Variants in FAM107B observed in about 807,000 individuals in gnomAD.
The protein encoded by FAM107B is protein FAM107B.
FAM107B carries 21 observed loss-of-function variants against 31.5 expected under a neutral mutation model. The ratio of observed to expected loss-of-function variants is 0.67; its 90% confidence interval spans 0.47 to 0.96. The LOEUF (loss-of-function observed/expected upper bound fraction) is 0.96. Among genes scored for constraint, FAM107B ranks in the 40% least tolerant of loss-of-function variants. The pLI is 0.00. For missense variants in FAM107B, 452 were observed against 377.1 expected, an observed-to-expected ratio of 1.20 and a Z score of -1.64; for synonymous variants, 157 against 141.5, an observed-to-expected ratio of 1.11 and a Z score of -0.78.
At chr10:14,647,685 C>CAAA (rs35141961) in intron 2 of FAM107B, among the ~76,000 whole-genome samples, 2 of 89,094 alleles carry the variant, frequency 2.2e-5, no homozygotes, top group African/African-American at 4.6e-5. Flanking sequence ...GACTCCATCT[C>CAAA]AAAAAAAAAA....
chr10:14,768,001 A>C (rs539982081), intron 1 of FAM107B, among the ~76,000 whole-genome samples: 1 of 152,218 alleles, frequency 6.6e-6, no homozygotes, highest in African/African-American at 2.4e-5. Context: ...ATTTCTATAC[A>C]GTAACAATGA....
At chr10:14,569,173 G>C (rs1275351904) in intron 2 of FAM107B, among the ~76,000 whole-genome samples, 1 of 152,170 alleles carries the variant, frequency 6.6e-6, no homozygotes, top group Non-Finnish European at 1.5e-5. Flanking sequence ...CCACCCTCGA[G>C]TCTCCTTAAA....
intron 1 of FAM107B, among the ~76,000 whole-genome samples, chr10:14,752,384 G>A (rs1259636528): frequency 1.3e-5 from 2 of 152,218 alleles, no homozygotes; most frequent in African/African-American, 4.8e-5. Flanking sequence ...CCTGTACCCT[G>A]AGAGGTTTCC....
At chr10:14,700,921 C>T (rs1855385261) in intron 1 of FAM107B, among the ~76,000 whole-genome samples, 1 of 151,346 alleles carries the variant, frequency 6.6e-6, no homozygotes, top group South Asian at 2.1e-4. Context: ...CACATCACAC[C>T]TCACCCCACA....
At chr10:14,738,618 G>A (rs1021580461) in intron 1 of FAM107B, among the ~76,000 whole-genome samples, 3 of 152,190 alleles carry the variant, frequency 2.0e-5, no homozygotes, top group Non-Finnish European at 4.4e-5. Flanking sequence ...GAGGTTAGAG[G>A]AGTGAATGCA....
rs1833369792 is a variant in FAM107B at position 14,774,275 on chromosome 10, G to A, written c.389C>T (p.Pro130Leu). Residue 130 changes from proline (P) to leucine (L), a missense_variant, in exon 1 of 5, where the codon CCA becomes CTA. Physicochemically the swap from Pro to Leu is moderately conservative, Grantham distance 98. Coordinates refer to ENST00000181796, the MANE Select transcript of FAM107B (RefSeq NM_031453.4). ...CACCTTGGGCGTGTCAATAATTGAT[G>A]GTCTGGGGATGGAAGCGTGAAACAC... ...AVVFHASIPRPSIIDTPKEEE... is the reference protein window; with the variant it reads ...AVVFHASIPRLSIIDTPKEEE... The A allele has an allele frequency of 6.2e-7, 1 of 1,611,972 alleles. No individual in the cohort carries two copies. The highest frequency in any genetic ancestry group is 1.1e-5 in the South Asian group (1 of 90,964).
At chr10:14,591,099 G>C (rs929050477) in intron 2 of FAM107B, among the ~76,000 whole-genome samples, 42 of 151,026 alleles carry the variant, frequency 2.8e-4, no homozygotes, top group African/African-American at 9.9e-4. Flanking sequence ...ACTCATCAAT[G>C]ACTGATCTTT....
At chr10:14,662,378 C>CTT (rs3035295) in intron 2 of FAM107B, among the ~76,000 whole-genome samples, 28,643 of 139,446 alleles carry the variant, frequency 0.21, 3,233 homozygotes, top group East Asian at 0.28. Context: ...TCTGACCTGT[C>CTT]TTTTTTTTTT....
At chr10:14,677,912 G>A (rs1310305287) in intron 1 of FAM107B, among the ~76,000 whole-genome samples, 2 of 152,208 alleles carry the variant, frequency 1.3e-5, no homozygotes, top group African/African-American at 4.8e-5. Context: ...ATAAAAAGAA[G>A]TCCTAATGAT....
chr10:14,758,849 G>A lies in FAM107B; in HGVS notation c.411+15404C>T, dbSNP rs905747846. ...TAGGGTCACCACTGTACTCCAGCCT[G>A]GGCAACAAAGCAAGACCCTCTCAGA... On this transcript the variant is annotated intron_variant, in intron 1 of 4. Transcript: ENST00000181796. Among the ~76,000 whole-genome samples, 4 of 143,984 alleles carry A rather than the reference G, an allele frequency of 2.8e-5. No homozygotes were observed. In the East Asian group the frequency reaches 8.2e-4, roughly 30 times the overall value. The allele number at this position is 143,984 out of a possible 152,430, so 94.5% of individuals were successfully genotyped here.
chr10:14,604,298 G>T (rs1401030062), intron 2 of FAM107B: 72 of 977,536 alleles, frequency 7.4e-5, no homozygotes, highest in Non-Finnish European at 8.5e-5. Context: ...CGCCCGCGGC[G>T]GCGCCCAGCG....
chr10:14,710,451 C>T lies in FAM107B; in HGVS notation c.412-42760G>A, dbSNP rs1237688795. Among the ~76,000 whole-genome samples the T allele has an allele frequency of 2.6e-5, 4 of 151,556 alleles. No individual in the cohort carries two copies. The East Asian group carries it at 5.9e-4, about 22-fold the overall frequency. On this transcript the variant is annotated intron_variant, in intron 1 of 4. Transcript: ENST00000181796. Reference sequence around the variant, plus strand: ...AAAAATACACACACACACACACACACACACACACACACACACACACACACA... The same window carrying T: ...AAAAATACACACACACACACACACATACACACACACACACACACACACACA...
At chr10:14,562,395 C>T (rs1041691512) in intron 2 of FAM107B, among the ~76,000 whole-genome samples, 18 of 152,194 alleles carry the variant, frequency 1.2e-4, no homozygotes, top group African/African-American at 3.1e-4. Context: ...ATACATTCAG[C>T]TGGAGAAGTC....
At position 14,583,086 on chromosome 10, in the gene FAM107B, CAA is replaced by C. The variant is rs60205603; in HGVS notation, c.470-52573_470-52572del. ...TGGGCAAAACAGTGAGACTCTGTCT[CAA>C]AAAAAAAAAAAAAAAAGAAAAGAAA... is the stretch of plus-strand genomic sequence containing the variant. On this transcript the variant is annotated intron_variant, in intron 2 of 4. Coordinates refer to ENST00000181796, the MANE Select transcript of FAM107B (RefSeq NM_031453.4). Among the ~76,000 whole-genome samples the C allele has an allele frequency of 6.6e-3, 374 of 56,330 alleles. 6 individuals are homozygous for C. Among genetic ancestry groups the C allele is most frequent in the African/African-American group, 0.021 (328 of 15,882 alleles). 37.0% of individuals were successfully genotyped at this position (56,330 alleles called of 152,430 possible).
intron 2 of FAM107B, among the ~76,000 whole-genome samples, chr10:14,663,789 C>T (rs185246425): frequency 1.5e-3 from 221 of 149,512 alleles, no homozygotes; most frequent in Non-Finnish European, 2.0e-3. Context: ...ACACTCCTAA[C>T]TCGTCTGTCA....
intron 2 of FAM107B, among the ~76,000 whole-genome samples, chr10:14,625,934 T>C (rs1030720579): frequency 6.9e-6 from 1 of 145,502 alleles, no homozygotes; most frequent in South Asian, 2.2e-4. Context: ...GAAGTCGTAA[T>C]GGAATCTGAT....
chr10:14,629,389 A>AATATATT (rs1307177826), intron 2 of FAM107B, among the ~76,000 whole-genome samples: 2 of 67,462 alleles, frequency 3.0e-5, no homozygotes, highest in Non-Finnish European at 5.2e-5. Context: ...TATAATATAT[A>AATATATT]TAATATATAT....
chr10:14,731,292 T>A (rs2131560349), intron 1 of FAM107B, among the ~76,000 whole-genome samples: 2 of 152,304 alleles, frequency 1.3e-5, no homozygotes, highest in South Asian at 4.1e-4. Context: ...CCAGGTGTGG[T>A]GGCTCACGCC....
chr10:14,738,659 C>G (rs1039248847), intron 1 of FAM107B, among the ~76,000 whole-genome samples: 6 of 152,286 alleles, frequency 3.9e-5, no homozygotes, highest in African/African-American at 1.4e-4. Context: ...GCGGGACTAC[C>G]TGTAGGCCTC....
Sources: gnomAD v4.1 joint callset for allele counts (sites outside exome capture counted in the v4.1 genomes callset) on GRCh38, gnomAD v4.1.1 for gene constraint, MANE v1.5 for transcripts, NCBI Gene and HGNC (gene_info 2026-07-23, HGNC 2026-07-21) for gene names.